MGST1: variants seen among roughly 807,000 people sequenced by gnomAD.
MGST1 encodes glutathione S-transferase 12.
In MGST1, 5 loss-of-function variants were observed where a neutral mutation model predicts 8.9. The observed-to-expected ratio is 0.56, with a 90% CI of 0.29 to 1.19. The LOEUF is 1.19. MGST1 is among the 50% of genes most tolerant of loss of function. The pLI is 0.08. For synonymous variants in MGST1, 54 were observed against 67.8 expected, an observed-to-expected ratio of 0.80 and a Z score of 1.00; for missense variants, 182 against 187.4, an observed-to-expected ratio of 0.97 and a Z score of 0.17.
intron 4 of MGST1, among the ~76,000 whole-genome samples, chr12:16,508,103 A>G (rs920983245): frequency 1.3e-5 from 2 of 152,134 alleles, no homozygotes; most frequent in Non-Finnish European, 2.9e-5. Context: ...TGCCCACCAG[A>G]TTATAAGCAA....
chr12:16,516,060 T>C (rs968164876), intron 4 of MGST1, among the ~76,000 whole-genome samples: 5 of 152,068 alleles, frequency 3.3e-5, no homozygotes, highest in African/African-American at 1.2e-4. Context: ...AAAGAGAATT[T>C]TATTTACTCA....
chr12:16,543,347 G>C lies in MGST1; in HGVS notation n.483-46181G>C, dbSNP rs111812690. Among the ~76,000 whole-genome samples, 255 of 152,152 alleles carry C rather than the reference G, an allele frequency of 1.7e-3. 1 individual carries two copies. The highest frequency in any genetic ancestry group is 5.8e-3 in the African/African-American group (239 of 41,516). ...AAATGCTTTACCATCCACTATCTCT[G>C]ACTACGGCCTGAATCCTCAATTTAC... On this transcript the variant is annotated intron_variant and non_coding_transcript_variant, in intron 4 of 4. Coordinates refer to the MGST1 transcript ENST00000538857.
downstream of MGST1, among the ~76,000 whole-genome samples, chr12:16,443,408 G>T: frequency 6.6e-6 from 1 of 151,540 alleles, no homozygotes; most frequent in East Asian, 2.0e-4. Context: ...CATCCCATCT[G>T]CTCATTATTC....
chr12:16,551,116 A>G (rs1212665429), intron 4 of MGST1: 2 of 737,900 alleles, frequency 2.7e-6, no homozygotes, highest in Non-Finnish European at 4.8e-6. Flanking sequence ...GCCTTCCTAT[A>G]TCTACGCTAT....
chr12:16,394,519 T>TTTCTTTCC (rs1304311569), intron 1 of MGST1, among the ~76,000 whole-genome samples: 71 of 5,010 alleles, frequency 0.014, 3 homozygotes, highest in African/African-American at 0.022. Flanking sequence ...TCTCCCTTTC[T>TTTCTTTCC]TTCTTTCTTT....
chr12:16,472,397 C>T (rs930329751), intron 4 of MGST1, among the ~76,000 whole-genome samples: 4 of 151,306 alleles, frequency 2.6e-5, no homozygotes, highest in Non-Finnish European at 5.9e-5. Flanking sequence ...AAACGCCTGC[C>T]CACCTGGTTA....
chr12:16,532,121 G>C (rs958836401), intron 4 of MGST1, among the ~76,000 whole-genome samples: 1 of 152,126 alleles, frequency 6.6e-6, no homozygotes, highest in African/African-American at 2.4e-5. Context: ...GCTCAGGACA[G>C]ACTGCAAAAT....
Position 16,503,343 on chromosome 12 carries a change from T to C in MGST1, n.483-86185T>C, listed in dbSNP as rs577029295. 3.3e-4 allele frequency among the ~76,000 whole-genome samples: 51 copies of C among 152,326 alleles called. No individual in the cohort carries two copies. Among genetic ancestry groups the C allele is most frequent in the African/African-American group, 1.2e-3 (50 of 41,572 alleles). On this transcript the variant is annotated intron_variant and non_coding_transcript_variant, in intron 4 of 4. Coordinates refer to the MGST1 transcript ENST00000538857. This position sits in a 1 kb window ranked among gnomAD's most constrained non-coding sequence, Gnocchi z 4.8. Reference sequence around the variant, plus strand: ...TTAGCTTGGCTTCACTCATAAATGTTATTTTTTCCTTTCTTTTATGTTTTA... The same window carrying C: ...TTAGCTTGGCTTCACTCATAAATGTCATTTTTTCCTTTCTTTTATGTTTTA...
At chr12:16,426,910 G>T (rs566224809) in intron 1 of MGST1, among the ~76,000 whole-genome samples, 3 of 148,846 alleles carry the variant, frequency 2.0e-5, no homozygotes, top group Admixed American at 6.8e-5. Flanking sequence ...GGCCGAGCTT[G>T]CAGTGAGCCG....
rs536254443 is a variant in MGST1, at chr12:16,486,948, G to A, written n.483-102580G>A. ...TCACATCAGAGTGCTCTTCCAGGCC[G>A]CGACTGTTTAAGGGCCTGCCATATG... On this transcript the variant is annotated intron_variant and non_coding_transcript_variant, in intron 4 of 4. Coordinates refer to the MGST1 transcript ENST00000538857. Among the ~76,000 whole-genome samples, 18 of 152,230 alleles carry A rather than the reference G, an allele frequency of 1.2e-4. No individual in the cohort carries two copies. The South Asian group carries it at 1.2e-3, about 11-fold the overall frequency.
intron 4 of MGST1, among the ~76,000 whole-genome samples, chr12:16,491,679 T>C (rs1941439044): frequency 6.6e-6 from 1 of 152,210 alleles, no homozygotes; most frequent in Admixed American, 6.5e-5. Flanking sequence ...ACATACAACA[T>C]GTCATCAAGT....
chr12:16,462,222 C>A (rs1490903629), intron 4 of MGST1, among the ~76,000 whole-genome samples: 4 of 152,064 alleles, frequency 2.6e-5, no homozygotes, highest in Non-Finnish European at 5.9e-5. Flanking sequence ...TTGTTTGGAG[C>A]TTTTGCAAGC....
intron 4 of MGST1, among the ~76,000 whole-genome samples, chr12:16,579,008 TAC>T (rs1943079686): frequency 6.6e-6 from 1 of 152,190 alleles, no homozygotes; most frequent in South Asian, 2.1e-4. Context: ...ATTACATTTG[TAC>T]ACACTCTTGA....
intron 4 of MGST1, among the ~76,000 whole-genome samples, chr12:16,528,720 T>C (rs534142324): frequency 2.0e-5 from 3 of 152,178 alleles, no homozygotes; most frequent in East Asian, 1.9e-4. Context: ...AGGCCTATTA[T>C]GTGAATCTAC....
intron 4 of MGST1, among the ~76,000 whole-genome samples, chr12:16,480,686 A>G (rs1941358168): frequency 6.6e-6 from 1 of 152,200 alleles, no homozygotes; most frequent in South Asian, 2.1e-4. Context: ...GGGATTGGCA[A>G]ATGTTTTCTG....
rs569114805 is a variant in MGST1 at position 16,414,706 on chromosome 12, C to T, written n.779-22682C>T. On this transcript the variant is annotated intron_variant and non_coding_transcript_variant, in intron 1 of 1. Coordinates refer to the MGST1 transcript ENST00000359720. Reference sequence around the variant, plus strand: ...CTGGGATTACAGGTGTGAGCCACCGCGCCCGGCCAAGGTGGTTATTTTAAA... The same window carrying T: ...CTGGGATTACAGGTGTGAGCCACCGTGCCCGGCCAAGGTGGTTATTTTAAA... Among the ~76,000 whole-genome samples the T allele has an allele frequency of 3.9e-4, 60 of 152,202 alleles. No individual in the cohort carries two copies. In the South Asian group the frequency reaches 8.5e-3, roughly 22 times the overall value.
At chr12:16,591,278 C>T (rs528104157), downstream of MGST1, among the ~76,000 whole-genome samples, 21 of 152,068 alleles carry the variant, frequency 1.4e-4, no homozygotes, top group South Asian at 3.1e-3. This position sits in a 1 kb window ranked among gnomAD's most constrained non-coding sequence, Gnocchi z 4.1. Flanking sequence ...ACTGGATGTT[C>T]CTGAGCCCAG....
At position 16,484,561 on chromosome 12, in the gene MGST1, G is replaced by T. The variant is rs147583962; in HGVS notation, n.482+100957G>T. 4.6e-3 allele frequency among the ~76,000 whole-genome samples: 700 copies of T among 152,262 alleles called. 2 individuals carry two copies. The highest frequency in any genetic ancestry group is 7.2e-3 in the Non-Finnish European group (493 of 68,018). On this transcript the variant is annotated intron_variant and non_coding_transcript_variant, in intron 4 of 4. Transcript: ENST00000538857. ...AGGCTATACAGGAAGCACAACTAGG[G>T]AGGTCTCAGGAAACTTATAACCTTG... is the stretch of plus-strand genomic sequence containing the variant.
chr12:16,523,557 A>T (rs890751706), intron 4 of MGST1, among the ~76,000 whole-genome samples: 1 of 151,852 alleles, frequency 6.6e-6, no homozygotes, highest in African/African-American at 2.4e-5. Context: ...CATTCTGGTG[A>T]TGCTTTCTGG....
Sources: gnomAD v4.1 joint callset for allele counts (sites outside exome capture counted in the v4.1 genomes callset) on GRCh38, gnomAD v4.1.1 for gene constraint, Gnocchi (gnomAD v3.1) non-coding constraint, MANE v1.5 for transcripts, NCBI Gene and HGNC (gene_info 2026-07-23, HGNC 2026-07-21) for gene names.